Variants in SRPK2 observed in about 807,000 individuals in gnomAD.
SRPK2 encodes SRSF protein kinase 2, also known as SFRS protein kinase 2.
In SRPK2, 21 loss-of-function variants were observed where a neutral mutation model predicts 90.8. The observed-to-expected ratio is 0.23, with a 90% CI of 0.16 to 0.33. SRPK2 has a LOEUF of 0.33. Ranked by LOEUF, SRPK2 falls within the 10% of genes least tolerant of loss-of-function variation. The probability of loss-of-function intolerance (pLI) is 1.00; values close to 1 mark genes in which losing one functional copy is unlikely to be tolerated. For missense variants in SRPK2, 620 were observed against 869.0 expected, an observed-to-expected ratio of 0.71 and a Z score of 3.60; for synonymous variants, 288 against 311.1, an observed-to-expected ratio of 0.93 and a Z score of 0.78.
intron 2 of SRPK2, among the ~76,000 whole-genome samples, chr7:105,382,428 T>A (rs925115588): frequency 1.3e-5 from 2 of 151,750 alleles, no homozygotes; most frequent in Non-Finnish European, 2.9e-5. Context: ...GGCACATGCC[T>A]GTAATCCCAG....
intron 2 of SRPK2, among the ~76,000 whole-genome samples, chr7:105,311,406 G>C (rs533969450): frequency 6.6e-6 from 1 of 152,012 alleles, no homozygotes; most frequent in African/African-American, 2.4e-5. Context: ...CTAACTTTTT[G>C]TATTTTTAGT....
intron 2 of SRPK2, among the ~76,000 whole-genome samples, chr7:105,363,641 C>A (rs1378283516): frequency 6.6e-6 from 1 of 152,212 alleles, no homozygotes; most frequent in Non-Finnish European, 1.5e-5. Flanking sequence ...GGATCTAGAA[C>A]TAGAAATACC....
intron 2 of SRPK2, among the ~76,000 whole-genome samples, chr7:105,341,875 G>C (rs571621098): frequency 6.6e-6 from 1 of 152,066 alleles, no homozygotes; most frequent in South Asian, 2.1e-4. Context: ...GCTGAGACAG[G>C]AGAATCGCTG....
Position 105,195,159 on chromosome 7 carries a change from C to T in SRPK2, c.229+8469G>A, listed in dbSNP as rs547523084. Among the ~76,000 whole-genome samples, 7 of 152,298 alleles carry T rather than the reference C, an allele frequency of 4.6e-5. No individual in the cohort carries two copies. In the East Asian group the frequency reaches 1.3e-3, roughly 29 times the overall value. On this transcript the variant is annotated intron_variant, in intron 3 of 15. Transcript: ENST00000393651. Reference sequence around the variant, plus strand: ...CCGCCTCCCACGTTGAAGTGATTCTCCTGCCTCCGCCTCCCGAGGAGCTGG... The same window carrying T: ...CCGCCTCCCACGTTGAAGTGATTCTTCTGCCTCCGCCTCCCGAGGAGCTGG...
At chr7:105,175,050 C>A (rs574056681) in intron 3 of SRPK2, among the ~76,000 whole-genome samples, 3 of 151,624 alleles carry the variant, frequency 2.0e-5, no homozygotes, top group African/African-American at 7.3e-5. Flanking sequence ...GATGATGAGG[C>A]AGAATCTCTT....
chr7:105,228,987 C>T (rs1224930007), intron 2 of SRPK2, among the ~76,000 whole-genome samples: 2 of 152,194 alleles, frequency 1.3e-5, no homozygotes, highest in African/African-American at 2.4e-5. Flanking sequence ...GGTCTCTCTG[C>T]TACTTTTTCA....
chr7:105,253,083 T>C (rs911152472), intron 2 of SRPK2, among the ~76,000 whole-genome samples: 1 of 152,212 alleles, frequency 6.6e-6, no homozygotes, highest in African/African-American at 2.4e-5. Context: ...TAATCATAAT[T>C]AACTGCGTAA....
At chr7:105,381,409 A>T (rs1441637160) in intron 2 of SRPK2, among the ~76,000 whole-genome samples, 1 of 152,072 alleles carries the variant, frequency 6.6e-6, no homozygotes, top group Non-Finnish European at 1.5e-5. Flanking sequence ...ACCCTGTCTC[A>T]GTGAGCCAAG....
At chr7:105,162,270 A>T (rs755991610) in intron 6 of SRPK2, among the ~76,000 whole-genome samples, 1 of 151,980 alleles carries the variant, frequency 6.6e-6, no homozygotes, top group East Asian at 1.9e-4. Context: ...TCAAACTCCT[A>T]ATCTCAAGTG....
chr7:105,223,076 T>G lies in SRPK2; in HGVS notation c.72-19291A>C, dbSNP rs145126028. On this transcript the variant is annotated intron_variant, in intron 2 of 15. Transcript: ENST00000393651. ...AGGCTGAAGTGGCCCAGCTGACCACTGAGCGCATACAGTCCAGGGCCTCAG... is the reference window on the plus strand; with the variant it reads ...AGGCTGAAGTGGCCCAGCTGACCACGGAGCGCATACAGTCCAGGGCCTCAG... 1.0e-3 allele frequency among the ~76,000 whole-genome samples: 158 copies of G among 152,352 alleles called. 2 individuals carry two copies. The East Asian group carries it at 0.024, about 23-fold the overall frequency.
In SRPK2 at chr7:105,388,864, G is replaced by T. The variant is rs1413111107; in HGVS notation, c.-58C>A. ...GCGACGGCGACGCGGGCGCCGAGAC[G>T]AGCTGGGCTGCAGCCTCCACTCGCT... On this transcript the variant is annotated 5_prime_UTR_variant, in exon 1 of 16. Coordinates refer to ENST00000393651, the MANE Select transcript of SRPK2 (RefSeq NM_182692.3). 1 of 1,307,048 alleles carries T rather than the reference G, an allele frequency of 7.7e-7. No individual in the cohort carries two copies. Among genetic ancestry groups the T allele is most frequent in the Non-Finnish European group, 9.7e-7 (1 of 1,033,972 alleles). The allele number at this position is 1,307,048 out of a possible 1,614,324, so 81.0% of individuals were successfully genotyped here.
chr7:105,126,279 T>C lies in SRPK2; in HGVS notation c.1884A>G (p.Gly628=). ...GATTGAAGAATTCCCGAGAATATTTTCCAGATAGAGCAAAGTGCCTTGGAA... is the reference window on the plus strand; with the variant it reads ...GATTGAAGAATTCCCGAGAATATTTCCCAGATAGAGCAAAGTGCCTTGGAA... ...GSIPRHFALS[G]KYSREFFNRR... Residue 628 remains glycine (G), a synonymous_variant, in exon 15 of 16, where the codon GGA becomes GGG. Transcript: ENST00000393651. 1 of 1,614,082 alleles carries C rather than the reference T, an allele frequency of 6.2e-7. No homozygotes were observed. The highest frequency in any genetic ancestry group is 8.5e-7 in the Non-Finnish European group (1 of 1,179,962).
At chr7:105,377,812 T>A (rs1307504566) in intron 2 of SRPK2, among the ~76,000 whole-genome samples, 1 of 152,188 alleles carries the variant, frequency 6.6e-6, no homozygotes, top group Non-Finnish European at 1.5e-5. Flanking sequence ...TAAATTTAGC[T>A]AATTCAGAAA....
intron 2 of SRPK2, among the ~76,000 whole-genome samples, chr7:105,210,976 A>G (rs1796784566): frequency 6.6e-6 from 1 of 152,188 alleles, no homozygotes; most frequent in Non-Finnish European, 1.5e-5. Flanking sequence ...GCCAACAACC[A>G]GTGAGCTGGA....
chr7:105,243,797 A>G (rs1333871922), intron 2 of SRPK2, among the ~76,000 whole-genome samples: 2 of 152,232 alleles, frequency 1.3e-5, no homozygotes, highest in African/African-American at 2.4e-5. Flanking sequence ...CCATAACACA[A>G]TAAGAATCTG....
chr7:105,340,112 T>A (rs1815574657), intron 2 of SRPK2, among the ~76,000 whole-genome samples: 1 of 151,354 alleles, frequency 6.6e-6, no homozygotes, highest in Non-Finnish European at 1.5e-5. Context: ...ACGATAGTCA[T>A]TATATGCTTC....
chr7:105,214,527 A>G (rs1797218196), intron 2 of SRPK2, among the ~76,000 whole-genome samples: 1 of 152,250 alleles, frequency 6.6e-6, no homozygotes, highest in Middle Eastern at 3.2e-3. Context: ...ATGTCTATCA[A>G]TAGGAAACTT....
intron 3 of SRPK2, among the ~76,000 whole-genome samples, chr7:105,170,975 A>AAGAAAGAAAGAAAGAG (rs1791012724): frequency 3.6e-5 from 2 of 56,274 alleles, no homozygotes; most frequent in African/African-American, 1.6e-4. Flanking sequence ...AAGAGAAAGA[A>AAGAAAGAAAGAAAGAG]AGAGAAAGAA....
At position 105,146,654 on chromosome 7, in the gene SRPK2, A is replaced by G; in HGVS notation, c.626T>C (p.Leu209Pro). 1 of 1,614,182 alleles carries G rather than the reference A, an allele frequency of 6.2e-7. No individual in the cohort carries two copies. Among genetic ancestry groups the G allele is most frequent in the Non-Finnish European group, 8.5e-7 (1 of 1,179,992 alleles). Residue 209 changes from leucine (L) to proline (P), a missense_variant, in exon 8 of 16, where the codon CTT becomes CCT. By Grantham distance (98) the Leu-to-Pro change is moderately conservative. Coordinates refer to ENST00000393651, the MANE Select transcript of SRPK2 (RefSeq NM_182692.3). ...ACTGTGTAAGTAATCTAACCCTTGA[A>G]GGACCTGGATATAGTAAAATCAAGA... ...RCVKSIIRQV[L>P]QGLDYLHSKC... is the part of the protein sequence containing the mutation.
Sources: allele counts gnomAD v4.1 joint callset (sites outside exome capture counted in the v4.1 genomes callset), GRCh38; gene constraint gnomAD v4.1.1; transcripts MANE v1.5; gene names NCBI Gene and HGNC (gene_info 2026-07-23, HGNC 2026-07-21).